Variants in ADAMTSL3 observed in about 807,000 individuals in gnomAD.
ADAMTSL3 encodes ADAMTS like 3, also known as ADAMTS-like protein 3.
A neutral mutation model predicts 201.7 loss-of-function variants in ADAMTSL3; 128 were observed. The observed-to-expected ratio is 0.63, with a 90% CI of 0.55 to 0.73. The LOEUF (loss-of-function observed/expected upper bound fraction) is 0.73, where lower values mean the gene tolerates loss of function less well. Among genes scored for constraint, ADAMTSL3 ranks in the 30% least tolerant of loss-of-function variants. The pLI is 0.00. For synonymous variants in ADAMTSL3, 738 were observed against 748.4 expected, an observed-to-expected ratio of 0.99 and a Z score of 0.23; for missense variants, 1,990 against 2,119.6, an observed-to-expected ratio of 0.94 and a Z score of 1.20.
chr15:83,716,625 T>TGTTGTGTG (rs891596062), intron 3 of ADAMTSL3, among the ~76,000 whole-genome samples: 1 of 150,352 alleles, frequency 6.7e-6, no homozygotes, highest in South Asian at 2.1e-4. Flanking sequence ...TGTGTGTGTG[T>TGTTGTGTG]TGTGTGTGTG....
intron 3 of ADAMTSL3, among the ~76,000 whole-genome samples, chr15:83,740,672 A>T (rs1014135804): frequency 1.4e-4 from 22 of 152,224 alleles, no homozygotes; most frequent in Admixed American, 4.6e-4. Context: ...AGTATACCTC[A>T]TCAGTATAGC....
chr15:83,974,527 G>A (rs1023181768), intron 20 of ADAMTSL3, among the ~76,000 whole-genome samples: 2 of 152,132 alleles, frequency 1.3e-5, no homozygotes, highest in Admixed American at 6.5e-5. Context: ...TGTATATTCT[G>A]GCCTATTAGG....
chr15:83,942,699 G>A lies in ADAMTSL3; in HGVS notation c.2221G>A (p.Glu741Lys), dbSNP rs77587097. ...CCCAGGGGAGACCCCTGCCCCTCCT[G>A]AGGAGTGCCGAGATGAAAAGCCCCA... ...LHPGETPAPP[E>K]ECRDEKPHAL... The change falls in exon 18 of 30, where the codon GAG becomes AAG. Residue 741 changes from glutamate to lysine, a missense_variant. By Grantham distance (56) the Glu-to-Lys change is moderately conservative. Coordinates refer to ENST00000286744, the MANE Select transcript of ADAMTSL3 (RefSeq NM_207517.3). 9.7e-5 allele frequency: 157 copies of A among 1,613,996 alleles called. No homozygotes were observed. The East Asian group carries it at 3.4e-3, about 35-fold the overall frequency.
At chr15:83,679,470 T>A (rs140440255) in intron 2 of ADAMTSL3, among the ~76,000 whole-genome samples, 1 of 152,250 alleles carries the variant, frequency 6.6e-6, no homozygotes, top group African/African-American at 2.4e-5. Context: ...TAAATCTATC[T>A]TCTATTTCAG....
At chr15:83,881,771 C>G (rs1348595985) in intron 9 of ADAMTSL3, among the ~76,000 whole-genome samples, 1 of 152,088 alleles carries the variant, frequency 6.6e-6, no homozygotes. Context: ...AAGAGAATCC[C>G]TTGAACCTGG....
chr15:83,866,064 A>G (rs535451599), intron 8 of ADAMTSL3, among the ~76,000 whole-genome samples: 5 of 152,324 alleles, frequency 3.3e-5, no homozygotes, highest in African/African-American at 4.8e-5. Flanking sequence ...ATGAGATACC[A>G]TCTCACACCA....
At chr15:83,808,652 G>C (rs1172068808) in intron 5 of ADAMTSL3, among the ~76,000 whole-genome samples, 1 of 152,142 alleles carries the variant, frequency 6.6e-6, no homozygotes, top group East Asian at 1.9e-4. Context: ...AATGAAATCA[G>C]TATATCACAG....
chr15:83,670,258 CAAAAAAA>C (rs60947988), intron 2 of ADAMTSL3, among the ~76,000 whole-genome samples: 4 of 64,524 alleles, frequency 6.2e-5, no homozygotes, highest in African/African-American at 2.5e-4. Context: ...ACTCTGTCTC[CAAAAAAA>C]AAAAAAAAAA....
chr15:84,020,693 A>G (rs369367550), intron 25 of ADAMTSL3, among the ~76,000 whole-genome samples: 3 of 152,182 alleles, frequency 2.0e-5, no homozygotes, highest in African/African-American at 4.8e-5. Flanking sequence ...ACACAAATCC[A>G]TCATCATCAT....
At chr15:83,869,672 C>A (rs566631220) in intron 8 of ADAMTSL3, among the ~76,000 whole-genome samples, 15 of 152,292 alleles carry the variant, frequency 9.8e-5, no homozygotes, top group African/African-American at 3.6e-4. Flanking sequence ...CTCCCTAATG[C>A]TGGACGATTT....
chr15:83,773,619 T>G lies in ADAMTSL3; in HGVS notation c.286T>G (p.Ser96Ala). ...CTCCCGGACCTGTGGGGGAGGAGCA[T>G]CATATTCTCTGCGGAGATGTTTGAC... ...DCSRTCGGGA[S>A]YSLRRCLTGR... is the part of the protein sequence containing the mutation. Residue 96 changes from serine (S) to alanine (A), a missense_variant, in exon 4 of 30, where the codon TCA becomes GCA. Physicochemically the swap from Ser to Ala is moderately conservative, Grantham distance 99. Transcript: ENST00000286744. The G allele has an allele frequency of 1.2e-6, 2 of 1,611,366 alleles. No individual in the cohort carries two copies. Among genetic ancestry groups the G allele is most frequent in the Non-Finnish European group, 1.7e-6 (2 of 1,179,328 alleles).
At chr15:83,778,116 T>C (rs1016030451) in intron 4 of ADAMTSL3, among the ~76,000 whole-genome samples, 1 of 151,914 alleles carries the variant, frequency 6.6e-6, no homozygotes, top group African/African-American at 2.4e-5. Flanking sequence ...AAATATGAGA[T>C]TATGTAAAGA....
rs1400515544 is a variant in ADAMTSL3 at position 84,036,793 on chromosome 15, G to T, written c.4775G>T (p.Cys1592Phe). 1.2e-6 allele frequency: 2 copies of T among 1,612,510 alleles called. No homozygotes were observed. Among genetic ancestry groups the T allele is most frequent in the Non-Finnish European group, 1.7e-6 (2 of 1,179,268 alleles). The change falls in exon 29 of 30, where the codon TGC (cysteine) becomes TTC (phenylalanine). Residue 1592 changes from cysteine to phenylalanine, a missense_variant. Transcript: ENST00000286744. ...DRKRPTLRRNCTSGACDVCWH... is the reference protein window; with the variant it reads ...DRKRPTLRRNFTSGACDVCWH... Reference sequence around the variant, plus strand: ...TTCAGACCCACCTTAAGAAGGAACTGCACATCAGGGGCCTGTGATGTGTGT... The same window carrying T: ...TTCAGACCCACCTTAAGAAGGAACTTCACATCAGGGGCCTGTGATGTGTGT...
chr15:83,975,084 C>T (rs1157686041), intron 20 of ADAMTSL3, among the ~76,000 whole-genome samples: 1 of 147,520 alleles, frequency 6.8e-6, no homozygotes, highest in Non-Finnish European at 1.5e-5. Context: ...TCACTGCAAG[C>T]TCTGCCTCCC....
chr15:83,752,396 A>C (rs1051309522), intron 3 of ADAMTSL3, among the ~76,000 whole-genome samples: 1 of 152,156 alleles, frequency 6.6e-6, no homozygotes, highest in Non-Finnish European at 1.5e-5. Flanking sequence ...AAAATTTATA[A>C]AATATATGAT....
chr15:83,686,023 G>A (rs1455299144), intron 2 of ADAMTSL3, among the ~76,000 whole-genome samples: 1 of 151,608 alleles, frequency 6.6e-6, no homozygotes. Flanking sequence ...TCCTTCTCCT[G>A]GTCTGGCCTC....
intron 7 of ADAMTSL3, among the ~76,000 whole-genome samples, chr15:83,850,750 C>T (rs956252877): frequency 2.0e-5 from 3 of 152,286 alleles, no homozygotes; most frequent in African/African-American, 7.2e-5. Flanking sequence ...CTTTTAAGCC[C>T]TCATCTGCAG....
chr15:83,899,922 C>T (rs1342769501), intron 15 of ADAMTSL3, among the ~76,000 whole-genome samples, 191 bp downstream of exon 15: 1 of 152,152 alleles, frequency 6.6e-6, no homozygotes, highest in African/African-American at 2.4e-5. Flanking sequence ...TTGGCAGTTT[C>T]TCTGAGCAGC....
chr15:83,906,005 A>C (rs1268751986), intron 15 of ADAMTSL3, among the ~76,000 whole-genome samples: 1 of 152,120 alleles, frequency 6.6e-6, no homozygotes, highest in East Asian at 1.9e-4. Flanking sequence ...TCTCAATCTA[A>C]CAATTTTTTC....
Sources: gnomAD v4.1 joint callset for allele counts (sites outside exome capture counted in the v4.1 genomes callset) on GRCh38, gnomAD v4.1.1 for gene constraint, MANE v1.5 for transcripts, NCBI Gene and HGNC (gene_info 2026-07-23, HGNC 2026-07-21) for gene names.